The following OGG1 variants were observed in gnomAD, a reference collection of about 807,000 sequenced individuals.
The protein encoded by OGG1 is N-glycosylase/DNA lyase.
OGG1 carries 35 observed loss-of-function variants against 42.3 expected under a neutral mutation model. The ratio of observed to expected loss-of-function variants is 0.83; its 90% confidence interval spans 0.63 to 1.10. The LOEUF (loss-of-function observed/expected upper bound fraction) is 1.10, where lower values mean the gene tolerates loss of function less well. Ranked by LOEUF, OGG1 falls within the 50% of genes least tolerant of loss-of-function variation. The pLI is 0.00. For synonymous variants in OGG1, 189 were observed against 179.0 expected (o/e 1.06, Z -0.44); for missense variants, 484 against 446.7 (o/e 1.08, Z -0.75).
Position 9,750,151 on chromosome 3 carries a change from C to G in OGG1, c.-136C>G. ...CAGGAGGTGGAGGAATTAAGTGAAA[C>G]AGGGAAGGTTGTTAAACAGCACCGT... is the stretch of plus-strand genomic sequence containing the variant. On this transcript the variant is annotated 5_prime_UTR_variant, in exon 1 of 7. Coordinates refer to ENST00000344629, the MANE Select transcript of OGG1 (RefSeq NM_002542.6). 1 of 1,135,762 alleles carries G rather than the reference C, an allele frequency of 8.8e-7. No individual in the cohort carries two copies. Among genetic ancestry groups the G allele is most frequent in the Non-Finnish European group, 1.2e-6 (1 of 804,880 alleles). 70.4% of individuals were successfully genotyped at this position (1,135,762 alleles called of 1,614,324 possible). A position where few individuals can be genotyped will look rare whatever the true frequency, so the allele number is the denominator to read the frequency against.
downstream of OGG1, among the ~76,000 whole-genome samples, chr3:9,770,310 C>T (rs1469661532): frequency 6.6e-6 from 1 of 152,184 alleles, no homozygotes; most frequent in Admixed American, 6.5e-5. Flanking sequence ...GTTCTGCGAC[C>T]TCCCTTAGGG....
intron 1 of OGG1, 86 bp from the exon 2 acceptor site, chr3:9,750,859 C>A: frequency 6.7e-7 from 1 of 1,485,192 alleles, no homozygotes; most frequent in Non-Finnish European, 9.4e-7. Flanking sequence ...TAGTTTCGTA[C>A]ATGGAGCTAT....
intron 2 of OGG1, among the ~76,000 whole-genome samples, 193 bp downstream of exon 2, chr3:9,751,385 C>T (rs534280508): frequency 6.6e-6 from 1 of 152,292 alleles, no homozygotes; most frequent in South Asian, 2.1e-4. Flanking sequence ...TATTATTATC[C>T]TGCTAATCAC....
At chr3:9,789,900 C>A (rs2078695947), downstream of OGG1, 1 of 1,614,192 alleles carries the variant, frequency 6.2e-7, no homozygotes, top group East Asian at 2.2e-5. Context: ...GCTCCAAGTT[C>A]ATGGTCTCGA....
At chr3:9,774,221 C>T (rs1476965968) in intron 2 of OGG1, among the ~76,000 whole-genome samples, 1 of 152,070 alleles carries the variant, frequency 6.6e-6, no homozygotes, top group Non-Finnish European at 1.5e-5. Context: ...CCAGCCTGGG[C>T]AACATAGTGA....
chr3:9,759,481 G>A, downstream of OGG1: 1 of 1,614,134 alleles, frequency 6.2e-7, no homozygotes, highest in South Asian at 1.1e-5. Flanking sequence ...TAGGGATATG[G>A]ACTCACCTTC....
In OGG1 at chr3:9,757,026, AC is replaced by A. The variant is rs763388137; in HGVS notation, c.949-32del. ...GTCTCACCAGCCCTGACCCCAGTGTACCCTCCTCCCCACACAGACTCCACCC... is the reference window on the plus strand; with the variant it reads ...GTCTCACCAGCCCTGACCCCAGTGTACCTCCTCCCCACACAGACTCCACCC... On this transcript the variant is annotated intron_variant, in intron 6 of 6. Coordinates refer to ENST00000344629, the MANE Select transcript of OGG1 (RefSeq NM_002542.6). This position sits in a 1 kb window ranked among gnomAD's most constrained non-coding sequence, Gnocchi z 4.5. 4 of 1,613,382 alleles carry A rather than the reference AC, an allele frequency of 2.5e-6. No homozygotes were observed. The South Asian group carries it at 4.4e-5, about 18-fold the overall frequency.
chr3:9,749,974 G>A lies in OGG1; in HGVS notation c.-313G>A, dbSNP rs1314301887. 2.5e-6 allele frequency: 1 copy of A among 403,156 alleles called. No homozygotes were observed. The highest frequency in any genetic ancestry group is 4.5e-6 in the Non-Finnish European group (1 of 220,072). 25.0% of individuals were successfully genotyped at this position (403,156 alleles called of 1,614,324 possible). ...TCCGGTGGTGCTGTGGTCTGCCCCTGGAGAACCCAGAAGAACACAGCTGTG... is the reference window on the plus strand; with the variant it reads ...TCCGGTGGTGCTGTGGTCTGCCCCTAGAGAACCCAGAAGAACACAGCTGTG... On this transcript the variant is annotated 5_prime_UTR_variant, in exon 1 of 7. Transcript: ENST00000344629.
intron 3 of OGG1, among the ~76,000 whole-genome samples, chr3:9,754,460 T>C (rs1173764398): frequency 6.6e-6 from 1 of 152,190 alleles, no homozygotes; most frequent in Non-Finnish European, 1.5e-5. Flanking sequence ...CCTCAGTCCC[T>C]GGACTAGACT....
chr3:9,761,912 A>T, downstream of OGG1: 1 of 1,203,904 alleles, frequency 8.3e-7, no homozygotes, highest in Non-Finnish European at 1.1e-6. Flanking sequence ...GCTCTCAAGA[A>T]GGCCAAAAAT....
rs1220480218 is a variant in OGG1 at position 9,774,366 on chromosome 3, A to C, written c.295-7147A>C. ...GGAGACTGCATTGAGCTGAGATTGC[A>C]CCATTGCACTCCAGCCAGAATGACA... On this transcript the variant is annotated intron_variant, in intron 2 of 3. Transcript: ENST00000426518. Among the ~76,000 whole-genome samples, 4 of 144,640 alleles carry C rather than the reference A, an allele frequency of 2.8e-5. No homozygotes were observed. The East Asian group carries it at 8.9e-4, about 32-fold the overall frequency. 94.9% of individuals were successfully genotyped at this position (144,640 alleles called of 152,430 possible).
downstream of OGG1, chr3:9,759,515 C>T (rs778754920): frequency 6.2e-7 from 1 of 1,614,188 alleles, no homozygotes; most frequent in East Asian, 2.2e-5. Context: ...CAAAGTTCTT[C>T]TTGATCTGCT....
At chr3:9,751,216 GT>G in intron 2 of OGG1, 24 bp downstream of exon 2, 25 of 1,611,874 alleles carry the variant, frequency 1.6e-5, no homozygotes, top group Non-Finnish European at 2.0e-5. Flanking sequence ...CTGGGCTGGG[GT>G]TAGGGTTCTT....
chr3:9,778,262 A>C (rs2078389682), intron 2 of OGG1, among the ~76,000 whole-genome samples: 1 of 152,186 alleles, frequency 6.6e-6, no homozygotes, highest in Admixed American at 6.6e-5. Context: ...TTTCTCTCTG[A>C]GAAGGCTGTG....
chr3:9,765,760 T>G (rs1297302721), intron 7 of OGG1: 7 of 1,613,914 alleles, frequency 4.3e-6, no homozygotes, highest in African/African-American at 1.3e-5. Flanking sequence ...CCCACGCACT[T>G]GTGCAGGACA....
At chr3:9,781,088 C>T (rs924532262) in intron 2 of OGG1, among the ~76,000 whole-genome samples, 1 of 151,924 alleles carries the variant, frequency 6.6e-6, no homozygotes, top group Non-Finnish European at 1.5e-5. Context: ...TATGATCATG[C>T]CACTACACTC....
rs756467282 is a variant in OGG1 at position 9,757,329 on chromosome 3, G to C, written c.*179G>C. ...AACAAGATGGGGTGGGGGATATTGAGGGAGACAGCGCTAAGGATGGTTTTA... is the reference window on the plus strand; with the variant it reads ...AACAAGATGGGGTGGGGGATATTGACGGAGACAGCGCTAAGGATGGTTTTA... On this transcript the variant is annotated 3_prime_UTR_variant, in exon 7 of 7. Transcript: ENST00000344629. This position sits in a 1 kb window ranked among gnomAD's most constrained non-coding sequence, Gnocchi z 4.5. 1.9e-6 allele frequency: 3 copies of C among 1,614,146 alleles called. No homozygotes were observed. The East Asian group carries it at 6.7e-5, about 36-fold the overall frequency.
At chr3:9,752,686 G>C (rs1242034333) in intron 3 of OGG1, among the ~76,000 whole-genome samples, 2 of 152,200 alleles carry the variant, frequency 1.3e-5, no homozygotes, top group Non-Finnish European at 2.9e-5. Flanking sequence ...ACCAAGCTAG[G>C]ACAAGTGCTT....
At chr3:9,780,136 G>A (rs1013221605) in intron 2 of OGG1, 1 of 452,282 alleles carries the variant, frequency 2.2e-6, no homozygotes, top group Admixed American at 3.9e-5. Context: ...CCATCTCGGG[G>A]ACCAAGCAGA....
Sources: gnomAD v4.1 joint callset for allele counts (sites outside exome capture counted in the v4.1 genomes callset) on GRCh38, gnomAD v4.1.1 for gene constraint, Gnocchi (gnomAD v3.1) non-coding constraint, MANE v1.5 for transcripts, NCBI Gene and HGNC (gene_info 2026-07-23, HGNC 2026-07-21) for gene names.